TMPRSS11F: variants seen among roughly 807,000 people sequenced by gnomAD.
The protein encoded by TMPRSS11F is transmembrane protease serine 11F.
Under a neutral mutation model 60.2 loss-of-function variants are expected in TMPRSS11F, and 47 were observed. The observed-to-expected ratio is 0.78, with a 90% CI of 0.62 to 1.00. The LOEUF (loss-of-function observed/expected upper bound fraction) is 1.00. Among genes scored for constraint, TMPRSS11F ranks in the 50% least tolerant of loss-of-function variants. The pLI is 0.00. For missense variants in TMPRSS11F, 519 were observed against 522.9 expected (o/e 0.99, Z 0.07); for synonymous variants, 166 against 167.3 (o/e 0.99, Z 0.06).
Position 68,058,102 on chromosome 4 carries a change from G to A in TMPRSS11F, c.1158+1224C>T, listed in dbSNP as rs111656086. Among the ~76,000 whole-genome samples the A allele has an allele frequency of 1.7e-3, 254 of 152,214 alleles. 2 individuals are homozygous for A. The highest frequency in any genetic ancestry group is 6.0e-3 in the African/African-American group (248 of 41,552). On this transcript the variant is annotated intron_variant, in intron 9 of 9. Transcript: ENST00000356291. ...GTGGAGAGTGAGGGAAAGGGGAGTTGCTAGTCAGAGGGTGCAAAGTTTCAG... is the reference window on the plus strand; with the variant it reads ...GTGGAGAGTGAGGGAAAGGGGAGTTACTAGTCAGAGGGTGCAAAGTTTCAG...
At chr4:68,124,710 A>G (rs921646968) in intron 1 of TMPRSS11F, among the ~76,000 whole-genome samples, 1 of 152,204 alleles carries the variant, frequency 6.6e-6, no homozygotes, top group African/African-American at 2.4e-5. Flanking sequence ...AGTAGTAGAT[A>G]TAAGAGTTAA....
At position 68,074,091 on chromosome 4, in the gene TMPRSS11F, T is replaced by G; in HGVS notation, c.283-82A>C. 4 of 848,772 alleles carry G rather than the reference T, an allele frequency of 4.7e-6. No individual in the cohort carries two copies. In the South Asian group the frequency reaches 8.5e-5, roughly 18 times the overall value. The allele number at this position is 848,772 out of a possible 1,614,324, so 52.6% of individuals were successfully genotyped here. On this transcript the variant is annotated intron_variant, in intron 3 of 9. Coordinates refer to ENST00000356291, the MANE Select transcript of TMPRSS11F (RefSeq NM_207407.2). ...AATTTTTTAAAAGAAGTATTAGTCT[T>G]AAGAAAAGTGTTATTCCTTGTCTTA...
rs1723065392 is a variant in TMPRSS11F, at chr4:68,057,277, T to C, written c.1158+2049A>G. Among the ~76,000 whole-genome samples, 2 of 138,778 alleles carry C rather than the reference T, an allele frequency of 1.4e-5. 1 individual carries two copies. The highest frequency in any genetic ancestry group is 4.5e-4 in the South Asian group (2 of 4,474). 91.0% of individuals were successfully genotyped at this position (138,778 alleles called of 152,430 possible). On this transcript the variant is annotated intron_variant, in intron 9 of 9. Coordinates refer to ENST00000356291, the MANE Select transcript of TMPRSS11F (RefSeq NM_207407.2). ...TCCAGCCTGAGTGACAAAGCGAGAC[T>C]GTCTCAAAAAAAAAAAAAAAAAAAG...
intron 9 of TMPRSS11F, 76 bp downstream of exon 9, chr4:68,059,250 G>A: frequency 1.3e-6 from 2 of 1,506,112 alleles, no homozygotes; most frequent in Non-Finnish European, 1.8e-6. Context: ...TTTCTCCTAG[G>A]TAAAATATAT....
chr4:68,071,972 A>C (rs1723475195), intron 5 of TMPRSS11F, among the ~76,000 whole-genome samples: 1 of 151,826 alleles, frequency 6.6e-6, no homozygotes. Flanking sequence ...AAGGTTTGCT[A>C]ATCCCATGTC....
intron 1 of TMPRSS11F, among the ~76,000 whole-genome samples, chr4:68,129,184 A>C (rs916694822): frequency 1.3e-5 from 2 of 152,156 alleles, no homozygotes; most frequent in African/African-American, 4.8e-5. Context: ...TTACCTAAAC[A>C]TAAATATATA....
chr4:68,077,002 C>T (rs948581510), intron 3 of TMPRSS11F, among the ~76,000 whole-genome samples: 2 of 152,204 alleles, frequency 1.3e-5, no homozygotes, highest in African/African-American at 4.8e-5. Context: ...CTTGTTCCCA[C>T]AGCATTACCC....
intron 1 of TMPRSS11F, among the ~76,000 whole-genome samples, chr4:68,117,472 A>C (rs1724550505): frequency 6.7e-6 from 1 of 149,312 alleles, no homozygotes; most frequent in African/African-American, 2.5e-5. Context: ...TGTCTCAAAA[A>C]AAAAAAAAAA....
Position 68,056,183 on chromosome 4 carries a change from T to C in TMPRSS11F, c.1159-2116A>G, listed in dbSNP as rs558179735. Among the ~76,000 whole-genome samples the C allele has an allele frequency of 1.8e-3, 281 of 152,208 alleles. 1 individual carries two copies. The highest frequency in any genetic ancestry group is 6.2e-3 in the African/African-American group (258 of 41,554). ...TTCTGGAAGTTGTCGCTAGAGAAAT[T>C]AGGCAAGAGAAAGAAATAGAAGACA... On this transcript the variant is annotated intron_variant, in intron 9 of 9. Coordinates refer to ENST00000356291, the MANE Select transcript of TMPRSS11F (RefSeq NM_207407.2).
At chr4:68,107,575 G>A (rs1282751221) in intron 1 of TMPRSS11F, among the ~76,000 whole-genome samples, 1 of 152,186 alleles carries the variant, frequency 6.6e-6, no homozygotes, top group Non-Finnish European at 1.5e-5. Flanking sequence ...AAGAGCAGAA[G>A]GTCAGTGTGG....
chr4:68,072,063 C>G (rs1441951505), intron 5 of TMPRSS11F, among the ~76,000 whole-genome samples: 1 of 150,686 alleles, frequency 6.6e-6, no homozygotes, highest in African/African-American at 2.4e-5. Flanking sequence ...TTGTAAGGAC[C>G]CAATAACATA....
intron 8 of TMPRSS11F, 50 bp from the exon 9 acceptor site, chr4:68,059,518 A>C (rs1439953466): frequency 6.4e-7 from 1 of 1,564,572 alleles, no homozygotes; most frequent in Non-Finnish European, 8.7e-7. Context: ...CCTCAAATAC[A>C]ATTGTATCTA....
Position 68,091,646 on chromosome 4 carries a change from A to T in TMPRSS11F, c.164-1005T>A, listed in dbSNP as rs34164535. 8.9e-3 allele frequency among the ~76,000 whole-genome samples: 1,358 copies of T among 152,082 alleles called. 69 individuals are homozygous for T. In the East Asian group the frequency reaches 0.14, roughly 15 times the overall value. ...TTTTCTATCTTTGTGAACAGCCCTAATATCCACATGGTCACCCAAGGCTTG... is the reference window on the plus strand; with the variant it reads ...TTTTCTATCTTTGTGAACAGCCCTATTATCCACATGGTCACCCAAGGCTTG... On this transcript the variant is annotated intron_variant, in intron 2 of 9. Transcript: ENST00000356291.
At chr4:68,112,882 C>T (rs1168496760) in intron 1 of TMPRSS11F, among the ~76,000 whole-genome samples, 1 of 152,140 alleles carries the variant, frequency 6.6e-6, no homozygotes, top group African/African-American at 2.4e-5. Context: ...CTCTATATCT[C>T]TTCCAGAGTT....
intron 8 of TMPRSS11F, among the ~76,000 whole-genome samples, chr4:68,060,853 A>G (rs1327308324): frequency 6.6e-6 from 1 of 151,880 alleles, no homozygotes; most frequent in Non-Finnish European, 1.5e-5. Flanking sequence ...AAGGCCTTTC[A>G]GTATATCCAA....
At chr4:68,091,029 C>G (rs933038417) in intron 2 of TMPRSS11F, among the ~76,000 whole-genome samples, 1 of 152,144 alleles carries the variant, frequency 6.6e-6, no homozygotes, top group East Asian at 1.9e-4. Context: ...ATACACTGAA[C>G]AAGCTGTCAA....
intron 8 of TMPRSS11F, chr4:68,062,353 C>G (rs754134196): frequency 2.7e-4 from 131 of 479,384 alleles, no homozygotes; most frequent in Admixed American, 8.0e-4. Flanking sequence ...CAAACAAGCT[C>G]TATCAGATAC....
intron 1 of TMPRSS11F, among the ~76,000 whole-genome samples, chr4:68,127,522 TTAAA>T (rs67341878): frequency 0.22 from 32,862 of 151,848 alleles, 3,944 homozygotes; most frequent in Admixed American, 0.37. Context: ...GTGGGATACT[TTAAA>T]TAGTTCTCTA....
At chr4:68,061,776 C>T (rs2109831666) in intron 8 of TMPRSS11F, 1 of 439,744 alleles carries the variant, frequency 2.3e-6, no homozygotes, top group South Asian at 1.6e-5. Context: ...ACAGGAAGTG[C>T]TTTCAACAGA....
Sources: gnomAD v4.1 joint callset for allele counts (sites outside exome capture counted in the v4.1 genomes callset) on GRCh38, gnomAD v4.1.1 for gene constraint, MANE v1.5 for transcripts, NCBI Gene and HGNC (gene_info 2026-07-23, HGNC 2026-07-21) for gene names.